The following FUBP3 variants were observed in gnomAD, a reference collection of about 807,000 sequenced individuals.
FUBP3 encodes the protein far upstream element-binding protein 3.
FUBP3 carries 28 observed loss-of-function variants against 85.6 expected under a neutral mutation model. That is an observed-to-expected ratio of 0.33 (90% CI 0.24 to 0.45). FUBP3 has a LOEUF of 0.45. Among genes scored for constraint, FUBP3 ranks in the 20% least tolerant of loss-of-function variants. FUBP3 has a pLI of 1.00. For synonymous variants in FUBP3, 271 were observed against 271.4 expected, an observed-to-expected ratio of 1.00 and a Z score of 0.01; for missense variants, 583 against 755.1, an observed-to-expected ratio of 0.77 and a Z score of 2.67.
intron 11 of FUBP3, among the ~76,000 whole-genome samples, chr9:130,625,796 A>C (rs1829946818): frequency 6.6e-6 from 1 of 152,042 alleles, no homozygotes; most frequent in South Asian, 2.1e-4. Context: ...CTGAATGGTC[A>C]CTCTTGAACC....
intron 11 of FUBP3, among the ~76,000 whole-genome samples, chr9:130,624,714 TC>T (rs1037939306): frequency 1.3e-5 from 2 of 151,470 alleles, no homozygotes; most frequent in African/African-American, 4.9e-5. Context: ...AGACAGTTCT[TC>T]CAGTGTGGCC....
At position 130,616,148 on chromosome 9, in the gene FUBP3, G is replaced by T. The variant is rs1185408595; in HGVS notation, c.405-207G>T. On this transcript the variant is annotated intron_variant, in intron 6 of 18. Coordinates refer to ENST00000319725, the MANE Select transcript of FUBP3 (RefSeq NM_003934.2). The surrounding 1 kb of genome is among the most constrained non-coding windows in gnomAD (Gnocchi z 4.7). Reference sequence around the variant, plus strand: ...GGCAAGGCTCTGTGTCACAGCGTTGGTACTGTGGTGTGTGTTGCTTTTAAA... The same window carrying T: ...GGCAAGGCTCTGTGTCACAGCGTTGTTACTGTGGTGTGTGTTGCTTTTAAA... Among the ~76,000 whole-genome samples, 1 of 152,164 alleles carries T rather than the reference G, an allele frequency of 6.6e-6. No homozygotes were observed. Among genetic ancestry groups the T allele is most frequent in the Admixed American group, 6.5e-5 (1 of 15,274 alleles).
intron 6 of FUBP3, among the ~76,000 whole-genome samples, chr9:130,614,741 C>G (rs1002690914): frequency 6.6e-6 from 1 of 152,172 alleles, no homozygotes; most frequent in Non-Finnish European, 1.5e-5. Context: ...TGGCTGGAGG[C>G]TGATCCCGTT....
At chr9:130,631,063 G>A (rs955166084) in intron 13 of FUBP3, 19 of 959,588 alleles carry the variant, frequency 2.0e-5, no homozygotes, top group Non-Finnish European at 2.5e-5. Flanking sequence ...TTAGATGAGC[G>A]GCTGGGGCGG....
chr9:130,615,774 T>G (rs1831973751), intron 6 of FUBP3, among the ~76,000 whole-genome samples: 1 of 152,140 alleles, frequency 6.6e-6, no homozygotes. Flanking sequence ...CCTCCCCCTT[T>G]CCCACCTCTT....
intron 12 of FUBP3, among the ~76,000 whole-genome samples, chr9:130,627,765 G>A (rs897941892): frequency 2.6e-5 from 4 of 152,190 alleles, no homozygotes; most frequent in Admixed American, 6.5e-5. Flanking sequence ...GTAGGTTGAC[G>A]ATTAGCTAGA....
intron 2 of FUBP3, among the ~76,000 whole-genome samples, chr9:130,604,060 G>A (rs554118534): frequency 1.6e-4 from 24 of 152,242 alleles, no homozygotes; most frequent in Non-Finnish European, 2.1e-4. Flanking sequence ...GCGGTAAAAC[G>A]GAACAAATGC....
At chr9:130,599,316 GATACACATATATACACACATAT>G (rs1439417472) in intron 2 of FUBP3, among the ~76,000 whole-genome samples, 1 of 150,696 alleles carries the variant, frequency 6.6e-6, no homozygotes. Flanking sequence ...TACATATATA[GATACACATATATACACACATAT>G]ATACACATAT....
chr9:130,588,124 C>A (rs1830433132), intron 1 of FUBP3, among the ~76,000 whole-genome samples: 1 of 152,120 alleles, frequency 6.6e-6, no homozygotes, highest in Non-Finnish European at 1.5e-5. Flanking sequence ...TATATATGTT[C>A]TTTCATTTGA....
intron 7 of FUBP3, among the ~76,000 whole-genome samples, 156 bp from the exon 8 acceptor site, chr9:130,617,641 C>G (rs1341171300): frequency 6.6e-6 from 1 of 152,230 alleles, no homozygotes; most frequent in Non-Finnish European, 1.5e-5. Context: ...TGTCTGCTGT[C>G]ACAGAAGCCA....
intron 2 of FUBP3, among the ~76,000 whole-genome samples, chr9:130,607,559 G>C (rs1831522588): frequency 6.6e-6 from 1 of 152,084 alleles, no homozygotes; most frequent in Non-Finnish European, 1.5e-5. Context: ...CCATTCAATT[G>C]AATATGATAG....
intron 1 of FUBP3, among the ~76,000 whole-genome samples, chr9:130,585,532 C>T (rs1226040051): frequency 1.3e-5 from 2 of 152,058 alleles, no homozygotes; most frequent in Non-Finnish European, 2.9e-5. Context: ...TAAAGATCTT[C>T]CGTGGAAAAG....
intron 2 of FUBP3, among the ~76,000 whole-genome samples, chr9:130,599,936 C>A (rs2119036951): frequency 6.6e-6 from 1 of 152,256 alleles, no homozygotes; most frequent in Middle Eastern, 3.4e-3. Context: ...AGCAGCCTGG[C>A]TGCCTGTCTC....
chr9:130,595,419 G>C (rs1213987424), intron 1 of FUBP3, 64 bp from the exon 2 acceptor site: 4 of 851,672 alleles, frequency 4.7e-6, no homozygotes, highest in Non-Finnish European at 8.3e-6. Flanking sequence ...GAGGACACTT[G>C]TCTTTCTCCC....
chr9:130,585,417 A>G (rs1462217137), intron 1 of FUBP3, among the ~76,000 whole-genome samples: 1 of 152,108 alleles, frequency 6.6e-6, no homozygotes, highest in African/African-American at 2.4e-5. Context: ...TGAAATTTCT[A>G]ATGGAAAGCT....
At position 130,631,890 on chromosome 9, in the gene FUBP3, G is replaced by A. The variant is rs375050476; in HGVS notation, c.1353-52G>A. On this transcript the variant is annotated intron_variant, in intron 14 of 18. Transcript: ENST00000319725. ...TGCCCTGGGGCTGCGGGGAGGGGAC[G>A]AGCCCTCTGTTGTGAGGCGCTCAGT... 165 of 1,345,956 alleles carry A rather than the reference G, an allele frequency of 1.2e-4. 1 individual carries two copies. In the Middle Eastern group the frequency reaches 4.5e-3, roughly 37 times the overall value. 83.4% of individuals were successfully genotyped at this position (1,345,956 alleles called of 1,614,324 possible). A position where few individuals can be genotyped will look rare whatever the true frequency, so the allele number is the denominator to read the frequency against.
chr9:130,601,368 A>C (rs1216398211), intron 2 of FUBP3, among the ~76,000 whole-genome samples: 1 of 152,182 alleles, frequency 6.6e-6, no homozygotes, highest in Non-Finnish European at 1.5e-5. Context: ...TCTCCTGATC[A>C]AAGATCAAAG....
chr9:130,599,399 G>A (rs1253561858), intron 2 of FUBP3, among the ~76,000 whole-genome samples: 1 of 150,034 alleles, frequency 6.7e-6, no homozygotes. Context: ...ATATATATAT[G>A]TAAAGTTTTT....
Position 130,632,291 on chromosome 9 carries a change from G to C in FUBP3, c.1510+13G>C, listed in dbSNP as rs773267131. On this transcript the variant is annotated intron_variant, in intron 16 of 18. Transcript: ENST00000319725. ...CAGCAGGTCCCAAGTAAGTGACTCGGGGCGGGGAGTGCATGCCCTCCAGAA... is the reference window on the plus strand; with the variant it reads ...CAGCAGGTCCCAAGTAAGTGACTCGCGGCGGGGAGTGCATGCCCTCCAGAA... 6.2e-7 allele frequency: 1 copy of C among 1,604,690 alleles called. No individual in the cohort carries two copies. Among genetic ancestry groups the C allele is most frequent in the Non-Finnish European group, 8.5e-7 (1 of 1,172,848 alleles).
Sources: allele counts gnomAD v4.1 joint callset (sites outside exome capture counted in the v4.1 genomes callset), GRCh38; gene constraint gnomAD v4.1.1; non-coding constraint Gnocchi (gnomAD v3.1); transcripts MANE v1.5; gene names NCBI Gene and HGNC (gene_info 2026-07-23, HGNC 2026-07-21).